The following RAB31 variants were observed in gnomAD, a reference collection of about 807,000 sequenced individuals.
The protein encoded by RAB31 is RAB31, member RAS oncogene family, also known as ras-related protein Rab-31.
RAB31 carries 21 observed loss-of-function variants against 25.6 expected under a neutral mutation model. The ratio of observed to expected loss-of-function variants is 0.82; its 90% CI spans 0.58 to 1.18. The LOEUF (loss-of-function observed/expected upper bound fraction) is 1.18. Ranked by LOEUF, RAB31 falls within the 50% of genes most tolerant of loss-of-function variation. The pLI is 0.00. For missense variants in RAB31, 196 were observed against 250.1 expected (o/e 0.78, Z 1.46); for synonymous variants, 87 against 84.0 (o/e 1.04, Z -0.20).
intron 2 of RAB31, among the ~76,000 whole-genome samples, chr18:9,781,322 C>CT (rs564426783): frequency 2.5e-4 from 38 of 151,420 alleles, no homozygotes; most frequent in African/African-American, 6.0e-4. Flanking sequence ...GTTCTTTTTT[C>CT]TTTTTTTTTA....
At position 9,767,341 on chromosome 18, in the gene RAB31, T is replaced by C. The variant is rs548452978; in HGVS notation, c.40-7937T>C. On this transcript the variant is annotated intron_variant, in intron 1 of 6. Transcript: ENST00000578921. ...GTTGATGGGTCTTGTTAGTGTTATT[T>C]CCTGTCCATAAGAATCATGTTGATT... Among the ~76,000 whole-genome samples, 3 of 152,368 alleles carry C rather than the reference T, an allele frequency of 2.0e-5. No individual in the cohort carries two copies. In the South Asian group the frequency reaches 6.2e-4, roughly 32 times the overall value.
At chr18:9,827,494 A>G (rs1281333357) in intron 5 of RAB31, among the ~76,000 whole-genome samples, 2 of 152,036 alleles carry the variant, frequency 1.3e-5, no homozygotes, top group Non-Finnish European at 2.9e-5. Context: ...TACCCTCCCC[A>G]TGAATACAAC....
At chr18:9,802,527 A>G (rs529926014) in intron 3 of RAB31, among the ~76,000 whole-genome samples, 1 of 152,248 alleles carries the variant, frequency 6.6e-6, no homozygotes, top group Admixed American at 6.5e-5. Context: ...ATAAGAAACT[A>G]CCTGGGTGTG....
chr18:9,836,001 C>T lies in RAB31; in HGVS notation c.381-9581C>T, dbSNP rs541955548. Among the ~76,000 whole-genome samples, 6 of 152,048 alleles carry T rather than the reference C, an allele frequency of 3.9e-5. No individual in the cohort carries two copies. In the East Asian group the frequency reaches 9.7e-4, roughly 25 times the overall value. On this transcript the variant is annotated intron_variant, in intron 5 of 6. Transcript: ENST00000578921. ...GCACACACAGCCCTGCAGCCCTCCT[C>T]TGCTTGATTTTGATGAGATGTTGTG... is the stretch of plus-strand genomic sequence containing the variant.
intron 5 of RAB31, among the ~76,000 whole-genome samples, chr18:9,828,951 C>T (rs1289232957): frequency 1.3e-5 from 2 of 152,110 alleles, no homozygotes; most frequent in East Asian, 1.9e-4. Flanking sequence ...CCGTGTTCTG[C>T]GACTGATGTG....
At chr18:9,800,128 A>C (rs1254601503) in intron 3 of RAB31, among the ~76,000 whole-genome samples, 1 of 152,232 alleles carries the variant, frequency 6.6e-6, no homozygotes, top group Non-Finnish European at 1.5e-5. Context: ...GGGAGCCTAG[A>C]GTCAACACAT....
At position 9,775,829 on chromosome 18, in the gene RAB31, C is replaced by T. The variant is rs1054793117; in HGVS notation, c.119+472C>T. 4.6e-5 allele frequency among the ~76,000 whole-genome samples: 7 copies of T among 152,108 alleles called. 1 individual carries two copies. Among genetic ancestry groups the T allele is most frequent in the South Asian group, 2.1e-4 (1 of 4,818 alleles). On this transcript the variant is annotated intron_variant, in intron 2 of 6. Coordinates refer to ENST00000578921, the MANE Select transcript of RAB31 (RefSeq NM_006868.4). ...CTTGAGACTGAGTGTTGCTCTGTCA[C>T]GTTGCCCAGGCTGGAGTGCAGTGGG...
chr18:9,745,916 C>G (rs4798841), intron 1 of RAB31, among the ~76,000 whole-genome samples: 139,896 of 152,194 alleles, frequency 0.92, 64,460 homozygotes, highest in Admixed American at 0.94. Context: ...GGAAGTCTTA[C>G]CCAGAGCAAT....
At chr18:9,779,126 A>G (rs1289714604) in intron 2 of RAB31, among the ~76,000 whole-genome samples, 1 of 151,964 alleles carries the variant, frequency 6.6e-6, no homozygotes, top group Non-Finnish European at 1.5e-5. Flanking sequence ...TGACATTCAA[A>G]CCCATGTTCA....
intron 1 of RAB31, among the ~76,000 whole-genome samples, chr18:9,719,199 G>C (rs566764275): frequency 6.9e-6 from 1 of 144,628 alleles, no homozygotes; most frequent in South Asian, 2.2e-4. Flanking sequence ...GAACCTAGGA[G>C]GTGGAGGTTG....
intron 1 of RAB31, among the ~76,000 whole-genome samples, chr18:9,731,948 T>A (rs62078925): frequency 0.23 from 35,399 of 152,176 alleles, 4,673 homozygotes; most frequent in Middle Eastern, 0.34. Flanking sequence ...AGATAGGAAT[T>A]GAACTCAGAC....
Position 9,708,393 on chromosome 18 carries a change from T to C in RAB31, c.-13T>C. On this transcript the variant is annotated 5_prime_UTR_variant, in exon 1 of 7. Coordinates refer to ENST00000578921, the MANE Select transcript of RAB31 (RefSeq NM_006868.4). This position sits in a 1 kb window ranked among gnomAD's most constrained non-coding sequence, Gnocchi z 6.4. ...GATGCTGCTGAGCCCCGGCACTGCC[T>C]GGCTGCGAGCACATGATGGCGATAC... 1.3e-6 allele frequency: 2 copies of C among 1,558,762 alleles called. No individual in the cohort carries two copies. Among genetic ancestry groups the C allele is most frequent in the Non-Finnish European group, 1.7e-6 (2 of 1,153,826 alleles).
At chr18:9,845,444 C>T in intron 5 of RAB31, 138 bp from the exon 6 acceptor site, 1 of 705,008 alleles carries the variant, frequency 1.4e-6, no homozygotes, top group Non-Finnish European at 2.2e-6. Flanking sequence ...ACTAGGTGTC[C>T]ATTCTTGCTG....
Position 9,861,602 on chromosome 18 carries a change from G to A in RAB31, c.*2277G>A, listed in dbSNP as rs2068848040. ...TTACAACCTTCCTTTGTTTTGGCTC[G>A]GGATTACTTCCTGGCTGTCTAATAA... On this transcript the variant is annotated 3_prime_UTR_variant, in exon 7 of 7. Transcript: ENST00000578921. 6.6e-6 allele frequency: 1 copy of A among 152,180 alleles called. No individual in the cohort carries two copies. Among genetic ancestry groups the A allele is most frequent in the South Asian group, 2.1e-4 (1 of 4,826 alleles). 9.4% of individuals were successfully genotyped at this position (152,180 alleles called of 1,614,324 possible). A position where few individuals can be genotyped will look rare whatever the true frequency, so the allele number is the denominator to read the frequency against.
chr18:9,767,542 C>T (rs1456233924), intron 1 of RAB31, among the ~76,000 whole-genome samples: 2 of 152,108 alleles, frequency 1.3e-5, no homozygotes, highest in African/African-American at 4.8e-5. Context: ...TCTCAGTGCC[C>T]ACTTTGATCG....
At chr18:9,739,183 C>G (rs62078950) in intron 1 of RAB31, among the ~76,000 whole-genome samples, 47,047 of 152,064 alleles carry the variant, frequency 0.31, 8,939 homozygotes, top group Middle Eastern at 0.47. Flanking sequence ...CTTAGAATTT[C>G]TAAGAATTTG....
rs1440272092 is a variant in RAB31, at chr18:9,860,255, T to A, written c.*930T>A. On this transcript the variant is annotated 3_prime_UTR_variant, in exon 7 of 7. Transcript: ENST00000578921. ...ATTAAATTTAATGTTTGAATCTAAA[T>A]CATTGGGCAAACTTCTAATAATAAC... 1 of 152,212 alleles carries A rather than the reference T, an allele frequency of 6.6e-6. No homozygotes were observed. The highest frequency in any genetic ancestry group is 1.5e-5 in the Non-Finnish European group (1 of 68,034). 9.4% of individuals were successfully genotyped at this position (152,212 alleles called of 1,614,324 possible).
chr18:9,727,216 A>G (rs2068100045), intron 1 of RAB31, among the ~76,000 whole-genome samples: 1 of 152,204 alleles, frequency 6.6e-6, no homozygotes, highest in African/African-American at 2.4e-5. Context: ...CTATGTAGAT[A>G]ATAGCACTTT....
chr18:9,821,979 A>G (rs1397451850), intron 5 of RAB31, among the ~76,000 whole-genome samples: 3 of 152,202 alleles, frequency 2.0e-5, no homozygotes, highest in African/African-American at 7.2e-5. Context: ...TTTATATGGA[A>G]AATCACAGAC....
Sources: gnomAD v4.1 joint callset for allele counts (sites outside exome capture counted in the v4.1 genomes callset) on GRCh38, gnomAD v4.1.1 for gene constraint, Gnocchi (gnomAD v3.1) non-coding constraint, MANE v1.5 for transcripts, NCBI Gene and HGNC (gene_info 2026-07-23, HGNC 2026-07-21) for gene names.